SMCO2: variants seen among roughly 807,000 people sequenced by gnomAD.
SMCO2 encodes single-pass membrane protein with coiled-coil domains 2, also known as single-pass membrane and coiled-coil domain-containing protein 2.
A neutral mutation model predicts 29.5 loss-of-function variants in SMCO2; 25 were observed. The ratio of observed to expected loss-of-function variants is 0.85; its 90% confidence interval spans 0.62 to 1.18. The LOEUF (loss-of-function observed/expected upper bound fraction) is 1.18. Among genes scored for constraint, SMCO2 ranks in the 50% most tolerant of loss-of-function variants. The pLI, the probability that SMCO2 is intolerant of heterozygous loss-of-function variation, is 0.00. For missense variants in SMCO2, 348 were observed against 344.5 expected (o/e 1.01, Z -0.08); for synonymous variants, 117 against 123.3 (o/e 0.95, Z 0.34).
chr12:27,499,029 G>A (rs1943045770), intron 7 of SMCO2, among the ~76,000 whole-genome samples: 1 of 150,634 alleles, frequency 6.6e-6, no homozygotes, highest in Non-Finnish European at 1.5e-5. Flanking sequence ...AAAACAACTT[G>A]GCAGTTTCTA....
chr12:27,465,070 AAGAG>A (rs368882896), upstream of SMCO2, among the ~76,000 whole-genome samples: 2 of 150,486 alleles, frequency 1.3e-5, no homozygotes, highest in Non-Finnish European at 3.0e-5. Flanking sequence ...AGAAAAGAAA[AAGAG>A]AGAGAGAGAG....
the SMCO2 span, among the ~76,000 whole-genome samples, chr12:27,449,879 C>T: frequency 5.3e-5 from 8 of 152,166 alleles, no homozygotes; most frequent in East Asian, 1.9e-4. Flanking sequence ...TGCCTGGCTA[C>T]GTGGGTCCGA....
chr12:27,431,213 C>T, the SMCO2 span, among the ~76,000 whole-genome samples: 16 of 152,090 alleles, frequency 1.1e-4, 1 homozygote, highest in Non-Finnish European at 1.3e-4. Flanking sequence ...GATGGGTTTT[C>T]GCCATGTTGG....
At chr12:27,442,708 C>T in the SMCO2 span, among the ~76,000 whole-genome samples, 1 of 152,346 alleles carries the variant, frequency 6.6e-6, no homozygotes, top group Non-Finnish European at 1.5e-5. Flanking sequence ...GCAGCCTCAG[C>T]CTCCTGGGCT....
At chr12:27,484,217 C>A (rs1311209577) in intron 4 of SMCO2, among the ~76,000 whole-genome samples, 1 of 152,062 alleles carries the variant, frequency 6.6e-6, no homozygotes, top group Non-Finnish European at 1.5e-5. Flanking sequence ...ATGGTGAAAC[C>A]CCGTCTCTAC....
chr12:27,470,635 G>T (rs1210866562), exon 2 of SMCO2: 4 of 1,550,774 alleles, frequency 2.6e-6, no homozygotes, highest in Non-Finnish European at 3.5e-6. Context: ...CGAAGAAATG[G>T]CTCTCACGCC....
the SMCO2 span, among the ~76,000 whole-genome samples, chr12:27,449,535 T>C: frequency 2.0e-5 from 3 of 152,350 alleles, no homozygotes; most frequent in East Asian, 3.9e-4. Context: ...TTCTCCTCCA[T>C]TTCCTTCTTG....
the SMCO2 span, among the ~76,000 whole-genome samples, chr12:27,458,983 C>G: frequency 1.3e-5 from 2 of 150,844 alleles, no homozygotes; most frequent in Non-Finnish European, 2.9e-5. Context: ...GTCAGAAGAT[C>G]GAGACCATCC....
the SMCO2 span, among the ~76,000 whole-genome samples, chr12:27,454,442 G>A: frequency 6.6e-6 from 1 of 152,156 alleles, no homozygotes. Context: ...ATTATTTATA[G>A]GATGATAATG....
intron 5 of SMCO2, among the ~76,000 whole-genome samples, chr12:27,490,034 C>A (rs1382943391): frequency 2.0e-5 from 3 of 152,086 alleles, no homozygotes; most frequent in African/African-American, 7.2e-5. Flanking sequence ...ATTCTCTGTG[C>A]TGGGGATACA....
intron 1 of SMCO2, among the ~76,000 whole-genome samples, chr12:27,469,474 TC>T (rs1172091023): frequency 6.6e-6 from 1 of 152,142 alleles, no homozygotes; most frequent in Non-Finnish European, 1.5e-5. Flanking sequence ...TCCCAGGGCC[TC>T]CCTTCTCCCT....
rs912800722 is a variant in SMCO2, at chr12:27,498,513, C to T, written c.683+2658C>T. The T allele has an allele frequency of 7.9e-5, 18 of 228,956 alleles. 1 individual carries two copies. The highest frequency in any genetic ancestry group is 2.6e-4 in the African/African-American group (11 of 41,686). 14.2% of individuals were successfully genotyped at this position (228,956 alleles called of 1,614,324 possible). On this transcript the variant is annotated intron_variant, in intron 7 of 7. Transcript: ENST00000298876. The stretch of plus-strand genomic sequence containing the variant: ...ATATTGAAGGTGAACATGTGGTGTA[C>T]GCTGCTGCGTGAAGCAGTAGATGCT...
intron 5 of SMCO2, among the ~76,000 whole-genome samples, chr12:27,489,524 C>T (rs1474590432): frequency 6.6e-6 from 1 of 152,142 alleles, no homozygotes; most frequent in Admixed American, 6.5e-5. Flanking sequence ...TTGCCAGCTT[C>T]AATTTTAACT....
At chr12:27,484,011 TTTACTA>T (rs141085522) in intron 4 of SMCO2, among the ~76,000 whole-genome samples, 1,871 of 152,310 alleles carry the variant, frequency 0.012, 14 homozygotes, top group South Asian at 0.031. Context: ...TACACACATA[TTTACTA>T]TTACCAGTGC....
At chr12:27,443,786 A>T in the SMCO2 span, among the ~76,000 whole-genome samples, 41 of 152,200 alleles carry the variant, frequency 2.7e-4, no homozygotes, top group African/African-American at 9.9e-4. Flanking sequence ...GATCTATACA[A>T]GGAAAACAAT....
At chr12:27,467,544 C>A (rs1353856937) in intron 1 of SMCO2, among the ~76,000 whole-genome samples, 1 of 151,474 alleles carries the variant, frequency 6.6e-6, no homozygotes, top group East Asian at 1.9e-4. Flanking sequence ...GGCCTGCAGA[C>A]CACACTTTGA....
chr12:27,436,499 G>T, the SMCO2 span, among the ~76,000 whole-genome samples: 9 of 152,054 alleles, frequency 5.9e-5, no homozygotes, highest in African/African-American at 2.2e-4. Context: ...TTCACAGGAT[G>T]GGTCTAGCAG....
At chr12:27,499,002 TG>T (rs1382776208) in intron 7 of SMCO2, among the ~76,000 whole-genome samples, 1 of 150,684 alleles carries the variant, frequency 6.6e-6, no homozygotes, top group Non-Finnish European at 1.5e-5. Context: ...GATTGCGAAA[TG>T]GTACAACCAC....
intron 4 of SMCO2, among the ~76,000 whole-genome samples, chr12:27,478,151 G>T (rs1361048481): frequency 6.6e-6 from 1 of 152,188 alleles, no homozygotes; most frequent in Non-Finnish European, 1.5e-5. Context: ...TACTAGTGTA[G>T]TCTCTACATG....
Sources: gnomAD v4.1 joint callset for allele counts (sites outside exome capture counted in the v4.1 genomes callset) on GRCh38, gnomAD v4.1.1 for gene constraint, MANE v1.5 for transcripts, NCBI Gene and HGNC (gene_info 2026-07-23, HGNC 2026-07-21) for gene names.